The following CRB2 variants were observed in gnomAD, a reference collection of about 807,000 sequenced individuals.
CRB2 encodes the protein protein crumbs homolog 2.
CRB2 carries 85 observed loss-of-function variants against 110.9 expected under a neutral mutation model. The ratio of observed to expected loss-of-function variants is 0.77; its 90% CI spans 0.64 to 0.92. CRB2 has a LOEUF of 0.92. Ranked by LOEUF, CRB2 falls within the 40% of genes least tolerant of loss-of-function variation. CRB2 has a pLI of 0.00. For synonymous variants in CRB2, 907 were observed against 831.0 expected (o/e 1.09, Z -1.57); for missense variants, 1,843 against 1,851.3 (o/e 1.00, Z 0.08).
At chr9:123,358,066 A>G (rs756687268) in intron 1 of CRB2, among the ~76,000 whole-genome samples, 1 of 152,194 alleles carries the variant, frequency 6.6e-6, no homozygotes, top group Non-Finnish European at 1.5e-5. Flanking sequence ...GGGGATCCCT[A>G]AAAGTTGGTG....
intron 10 of CRB2, among the ~76,000 whole-genome samples, chr9:123,374,323 G>T (rs1256370128): frequency 6.6e-6 from 1 of 151,558 alleles, no homozygotes; most frequent in Non-Finnish European, 1.5e-5. Context: ...CTCAAGGAAT[G>T]TCCAGGCGTT....
In CRB2 at chr9:123,373,530, G is replaced by A. The variant is rs1487602680; in HGVS notation, c.2999G>A (p.Gly1000Asp). 5.4e-6 allele frequency: 8 copies of A among 1,486,154 alleles called. No individual in the cohort carries two copies. The highest frequency in any genetic ancestry group is 2.8e-5 in the East Asian group (1 of 35,128). 92.1% of individuals were successfully genotyped at this position (1,486,154 alleles called of 1,614,324 possible). Residue 1000 changes from glycine to aspartate, a missense_variant, in exon 10 of 13, where the codon GGT (glycine) becomes GAT (aspartate). Transcript: ENST00000373631. ...GACCTGGGCTTCCTGCAGGGCCCGG[G>A]TGCTGTGCGCATCCTGCTGGCTGAG... ...ASDLGFLQGP[G>D]AVRILLAENF... is the part of the protein sequence containing the mutation.
chr9:123,361,146 G>GGT lies in CRB2; in HGVS notation c.95-1718_95-1717dup, dbSNP rs1373708772. ...GATTGGATGGGCGGGGAGGGGGGGGGGTTCCTTGCACTGCACAGGTGAGGG... is the reference window on the plus strand; with the variant it reads ...GATTGGATGGGCGGGGAGGGGGGGGGGTGTTCCTTGCACTGCACAGGTGAGGG... On this transcript the variant is annotated intron_variant, in intron 1 of 12. Transcript: ENST00000373631. 1.3e-4 allele frequency among the ~76,000 whole-genome samples: 19 copies of GGT among 151,322 alleles called. 1 individual carries two copies. The highest frequency in any genetic ancestry group is 9.3e-4 in the Admixed American group (14 of 15,088).
rs928634772 is a variant in CRB2 at position 123,368,680 on chromosome 9, C to A, written c.1054+994C>A. 3.8e-6 allele frequency: 3 copies of A among 790,212 alleles called. No homozygotes were observed. The African/African-American group carries it at 5.7e-5, about 15-fold the overall frequency. 49.0% of individuals were successfully genotyped at this position (790,212 alleles called of 1,614,324 possible). On this transcript the variant is annotated intron_variant, in intron 6 of 12. Transcript: ENST00000373631. ...GACAGGGAGGGCAGACCTCTGAGGTCAGAGCCAGGGAGGGGGGACCCCAGC... is the reference window on the plus strand; with the variant it reads ...GACAGGGAGGGCAGACCTCTGAGGTAAGAGCCAGGGAGGGGGGACCCCAGC...
intron 11 of CRB2, 133 bp from the exon 12 acceptor site, chr9:123,375,084 C>A: frequency 7.4e-7 from 1 of 1,354,590 alleles, no homozygotes; most frequent in Non-Finnish European, 1.0e-6. Flanking sequence ...CCCAGCTGGG[C>A]AGGAGCAGCG....
At chr9:123,360,974 G>A (rs2041860230) in intron 1 of CRB2, among the ~76,000 whole-genome samples, 2 of 151,962 alleles carry the variant, frequency 1.3e-5, no homozygotes, top group Admixed American at 6.5e-5. Flanking sequence ...TCTGTCTCCC[G>A]GGCTCTGTCA....
rs1221858633 is a variant in CRB2 at position 123,377,995 on chromosome 9, G to C, written c.*933G>C. On this transcript the variant is annotated 3_prime_UTR_variant, in exon 13 of 13. Coordinates refer to ENST00000373631, the MANE Select transcript of CRB2 (RefSeq NM_173689.7). ...GTCCTTCTGGGATGAGGATGACAGA[G>C]CAACCCTTCTCCTGCCCTGAACCCC... is the stretch of plus-strand genomic sequence containing the variant. 1 of 152,398 alleles carries C rather than the reference G, an allele frequency of 6.6e-6. No homozygotes were observed. Among genetic ancestry groups the C allele is most frequent in the African/African-American group, 2.4e-5 (1 of 41,466 alleles). 9.4% of individuals were successfully genotyped at this position (152,398 alleles called of 1,614,324 possible). A position where few individuals can be genotyped will look rare whatever the true frequency, so the allele number is the denominator to read the frequency against.
At chr9:123,369,905 G>A (rs1405536083) in intron 6 of CRB2, among the ~76,000 whole-genome samples, 4 of 152,042 alleles carry the variant, frequency 2.6e-5, no homozygotes, top group Admixed American at 2.6e-4. Context: ...TACAGGGCCT[G>A]GACACTCACC....
At chr9:123,359,789 C>T (rs1165880438) in intron 1 of CRB2, among the ~76,000 whole-genome samples, 1 of 152,136 alleles carries the variant, frequency 6.6e-6, no homozygotes, top group African/African-American at 2.4e-5. Context: ...CTGTTATAAA[C>T]AGGCCCATTC....
At position 123,370,097 on chromosome 9, in the gene CRB2, C is replaced by A; in HGVS notation, c.1055-11C>A. 2 of 1,567,676 alleles carry A rather than the reference C, an allele frequency of 1.3e-6. No homozygotes were observed. The highest frequency in any genetic ancestry group is 1.2e-5 in the South Asian group (1 of 82,358). Reference sequence around the variant, plus strand: ...AGACATTACTGAACCTTGGCTTTGTCTCTCCCAAAGGGCCGACATGTGAGG... The same window carrying A: ...AGACATTACTGAACCTTGGCTTTGTATCTCCCAAAGGGCCGACATGTGAGG... On this transcript the variant is annotated splice_polypyrimidine_tract_variant and intron_variant, in intron 6 of 12. Coordinates refer to ENST00000373631, the MANE Select transcript of CRB2 (RefSeq NM_173689.7).
At chr9:123,374,299 C>T (rs746657978) in intron 10 of CRB2, among the ~76,000 whole-genome samples, 4 of 150,668 alleles carry the variant, frequency 2.7e-5, no homozygotes, top group African/African-American at 5.0e-5. Flanking sequence ...TGTGGCCTGA[C>T]CCCTCCCTCT....
At chr9:123,372,153 A>G in intron 8 of CRB2, 24 bp from the exon 9 acceptor site, 2 of 1,613,152 alleles carry the variant, frequency 1.2e-6, no homozygotes, top group East Asian at 2.2e-5. Flanking sequence ...TCCTGAGCCA[A>G]CCCCTGCCCT....
Position 123,363,021 on chromosome 9 carries a change from C to T in CRB2, c.251C>T (p.Pro84Leu), listed in dbSNP as rs1432211908. The change falls in exon 2 of 13, where the codon CCC (proline) becomes CTC (leucine). Residue 84 changes from proline to leucine, a missense_variant. Pro to Leu is a moderately conservative substitution (Grantham distance 98, BLOSUM62 -3). Coordinates refer to ENST00000373631, the MANE Select transcript of CRB2 (RefSeq NM_173689.7). ...QPCHHGALCV[P>L]QGPDPTGFRC... ...TGCCACCACGGCGCTCTGTGTGTGC[C>T]CCAGGGTCCAGATCCCACCGGCTTC... The T allele has an allele frequency of 1.2e-6, 2 of 1,612,622 alleles. No homozygotes were observed. Among genetic ancestry groups the T allele is most frequent in the East Asian group, 2.2e-5 (1 of 44,878 alleles).
At position 123,367,561 on chromosome 9, in the gene CRB2, G is replaced by C. The variant is rs2041955167; in HGVS notation, c.941-12G>C. The C allele has an allele frequency of 1.3e-6, 2 of 1,547,658 alleles. No individual in the cohort carries two copies. Among genetic ancestry groups the C allele is most frequent in the Admixed American group, 3.9e-5 (2 of 51,298 alleles). Reference sequence around the variant, plus strand: ...AGGGTGCAGGTGGGACCCACAGCTGGGCCTCTTACAGGAGCCGACTGCGGT... The same window carrying C: ...AGGGTGCAGGTGGGACCCACAGCTGCGCCTCTTACAGGAGCCGACTGCGGT... On this transcript the variant is annotated splice_polypyrimidine_tract_variant and intron_variant, in intron 5 of 12. Coordinates refer to ENST00000373631, the MANE Select transcript of CRB2 (RefSeq NM_173689.7).
In CRB2 at chr9:123,373,855, T is replaced by A; in HGVS notation, c.3324T>A (p.Cys1108Ter). Reference sequence around the variant, plus strand: ...CCGCCCCCTGCGCCCGTGGCCGCTGTCACACGCACCCCGACGGCCGCTTCG... The same window carrying A: ...CCGCCCCCTGCGCCCGTGGCCGCTGACACACGCACCCCGACGGCCGCTTCG... Reference protein sequence around the residue: ...CHSAPCARGRCHTHPDGRFEC... With the variant: ...CHSAPCARGR The change falls in exon 10 of 13, where the codon TGT (cysteine) becomes TGA (stop). Residue 1108 changes from cysteine to a stop codon, truncating the protein, a stop_gained. Coordinates refer to ENST00000373631, the MANE Select transcript of CRB2 (RefSeq NM_173689.7). LOFTEE classifies it high-confidence loss of function. 1 of 1,560,642 alleles carries A rather than the reference T, an allele frequency of 6.4e-7. No homozygotes were observed. Among genetic ancestry groups the A allele is most frequent in the Non-Finnish European group, 8.6e-7 (1 of 1,158,474 alleles).
chr9:123,367,485 C>G (rs187711121), intron 5 of CRB2, 88 bp from the exon 6 acceptor site: 30 of 1,241,982 alleles, frequency 2.4e-5, no homozygotes, highest in Non-Finnish European at 3.3e-5. Context: ...CTCTCTTGGA[C>G]TCAGTCTCTC....
chr9:123,365,664 A>T (rs1169408430), intron 2 of CRB2, among the ~76,000 whole-genome samples: 3 of 152,134 alleles, frequency 2.0e-5, no homozygotes, highest in Non-Finnish European at 4.4e-5. Flanking sequence ...TTAGGTAATT[A>T]CTGGCTGAAT....
Position 123,362,975 on chromosome 9 carries a change from CG to C in CRB2, c.209del (p.Gly70AlafsTer72). 6.2e-7 allele frequency: 1 copy of C among 1,612,050 alleles called. No individual in the cohort carries two copies. The highest frequency in any genetic ancestry group is 8.5e-7 in the Non-Finnish European group (1 of 1,179,296). ...GGYTCGPMEP[R>X]GCATQPCHHG... ...CTATACCTGTGGGCCCATGGAGCCC[CG>C]GGGCTGTGCCACCCAGCCATGCCAC... On this transcript the variant is annotated frameshift_variant, in exon 2 of 13. Transcript: ENST00000373631. LOFTEE classifies it high-confidence loss of function.
In CRB2 at chr9:123,363,047, C is replaced by A; in HGVS notation, c.277C>A (p.Arg93Ser). ...VPQGPDPTGF[R>S]CYCVPGFQGP... ...CCAGGGTCCAGATCCCACCGGCTTC[C>A]GCTGCTACTGCGTGCCGGGTTTCCA... The change falls in exon 2 of 13, where the codon CGC (arginine) becomes AGC (serine). Residue 93 changes from arginine to serine, a missense_variant. Physicochemically the swap from Arg to Ser is moderately radical, Grantham distance 110. Coordinates refer to ENST00000373631, the MANE Select transcript of CRB2 (RefSeq NM_173689.7). 6.2e-7 allele frequency: 1 copy of A among 1,612,016 alleles called. No individual in the cohort carries two copies. The highest frequency in any genetic ancestry group is 8.5e-7 in the Non-Finnish European group (1 of 1,179,918).
Sources: gnomAD v4.1 joint callset for allele counts (sites outside exome capture counted in the v4.1 genomes callset) on GRCh38, gnomAD v4.1.1 for gene constraint, MANE v1.5 for transcripts, NCBI Gene and HGNC (gene_info 2026-07-23, HGNC 2026-07-21) for gene names.